UBR1: variants seen among roughly 807,000 people sequenced by gnomAD.
The protein encoded by UBR1 is ubiquitin protein ligase E3 component n-recognin 1.
Under a neutral mutation model 242.1 loss-of-function variants are expected in UBR1, and 102 were observed. The observed-to-expected ratio is 0.42, with a 90% CI of 0.36 to 0.50. The LOEUF is 0.50. Ranked by LOEUF, UBR1 falls within the 20% of genes least tolerant of loss-of-function variation. The probability of loss-of-function intolerance (pLI) is 0.01; values close to 1 mark genes in which losing one functional copy is unlikely to be tolerated. For synonymous variants in UBR1, 675 were observed against 684.8 expected (o/e 0.99, Z 0.22); for missense variants, 1,772 against 2,101.8 (o/e 0.84, Z 3.07).
chr15:43,024,740 G>A, intron 25 of UBR1, 89 bp downstream of exon 25: 1 of 1,565,756 alleles, frequency 6.4e-7, no homozygotes, highest in Non-Finnish European at 8.8e-7. Context: ...CTCTAGATGT[G>A]GTTCCAACTG....
intron 29 of UBR1, among the ~76,000 whole-genome samples, chr15:43,011,120 A>C (rs1366696710): frequency 1.3e-5 from 2 of 152,112 alleles, no homozygotes; most frequent in Non-Finnish European, 2.9e-5. Flanking sequence ...GTAGTGTGTC[A>C]TAATTATGCC....
At position 42,943,887 on chromosome 15, in the gene UBR1, G is replaced by A. The variant is rs770096853; in HGVS notation, c.*1442C>T. 8 of 152,428 alleles carry A rather than the reference G, an allele frequency of 5.2e-5. No individual in the cohort carries two copies. The highest frequency in any genetic ancestry group is 1.0e-4 in the Non-Finnish European group (7 of 68,042). 9.4% of individuals were successfully genotyped at this position (152,428 alleles called of 1,614,324 possible). A position where few individuals can be genotyped will look rare whatever the true frequency, so the allele number is the denominator to read the frequency against. On this transcript the variant is annotated 3_prime_UTR_variant, in exon 47 of 47. Transcript: ENST00000290650. ...AGTAGAAAATCATGATTGTGATTCT[G>A]ACGCCTGCTCATGCCAATCCCTTAC...
chr15:42,966,067 T>G, intron 41 of UBR1, 86 bp downstream of exon 41: 1 of 1,591,084 alleles, frequency 6.3e-7, no homozygotes, highest in Non-Finnish European at 8.6e-7. Flanking sequence ...TGGTTTTATC[T>G]GCTTTAACCT....
At chr15:43,055,410 C>T (rs559182259) in intron 11 of UBR1, among the ~76,000 whole-genome samples, 1 of 151,542 alleles carries the variant, frequency 6.6e-6, no homozygotes, top group African/African-American at 2.4e-5. Context: ...GCTACTACAC[C>T]CCAGCCTGAG....
At chr15:43,002,337 C>G (rs944284685) in intron 32 of UBR1, among the ~76,000 whole-genome samples, 2 of 152,018 alleles carry the variant, frequency 1.3e-5, no homozygotes, top group Non-Finnish European at 2.9e-5. Flanking sequence ...CCTCAGCCCC[C>G]TCAAGTAACT....
chr15:43,013,565 GAAAT>G (rs2032957919), intron 29 of UBR1, among the ~76,000 whole-genome samples: 1 of 152,160 alleles, frequency 6.6e-6, no homozygotes, highest in African/African-American at 2.4e-5. Context: ...ATTTTTATTA[GAAAT>G]AATAATGTGA....
chr15:43,102,668 C>A (rs1178371758), intron 1 of UBR1, among the ~76,000 whole-genome samples: 1 of 152,148 alleles, frequency 6.6e-6, no homozygotes, highest in African/African-American at 2.4e-5. Context: ...TTATCATGGA[C>A]CCAATAAACC....
At chr15:43,046,093 G>A (rs1044968640) in intron 14 of UBR1, among the ~76,000 whole-genome samples, 7 of 152,166 alleles carry the variant, frequency 4.6e-5, no homozygotes, top group African/African-American at 1.7e-4. Context: ...TATAAGTGAA[G>A]ATACTAAATG....
intron 21 of UBR1, among the ~76,000 whole-genome samples, chr15:43,028,780 A>AATAT (rs150339606): frequency 6.8e-6 from 1 of 146,960 alleles, no homozygotes; most frequent in Non-Finnish European, 1.5e-5. Context: ...ACAACAAAAA[A>AATAT]ATATATATAT....
chr15:42,996,266 CAT>C (rs1413555323), intron 33 of UBR1, among the ~76,000 whole-genome samples: 1 of 152,114 alleles, frequency 6.6e-6, no homozygotes. Context: ...AACATGCACA[CAT>C]ATGAGGTCAA....
intron 46 of UBR1, among the ~76,000 whole-genome samples, chr15:42,946,406 G>A (rs931368815): frequency 1.3e-5 from 2 of 152,152 alleles, no homozygotes; most frequent in Non-Finnish European, 2.9e-5. Context: ...GATTACAGGC[G>A]TGAACCACCG....
At chr15:42,957,800 G>C (rs953081668) in intron 44 of UBR1, among the ~76,000 whole-genome samples, 3 of 152,120 alleles carry the variant, frequency 2.0e-5, no homozygotes, top group African/African-American at 7.2e-5. Context: ...CCAGGAGTTT[G>C]AGGCTGCAGT....
At chr15:43,083,833 G>A (rs192205808) in intron 2 of UBR1, among the ~76,000 whole-genome samples, 5 of 151,744 alleles carry the variant, frequency 3.3e-5, no homozygotes, top group South Asian at 4.2e-4. Flanking sequence ...ACCTGAGGTC[G>A]GGAGTTCCAG....
chr15:43,070,763 T>C (rs1363000689), intron 5 of UBR1, 32 bp downstream of exon 5: 1 of 1,610,912 alleles, frequency 6.2e-7, no homozygotes, highest in Non-Finnish European at 8.5e-7. Context: ...TAACCATCAC[T>C]AAAACTTGTT....
intron 46 of UBR1, among the ~76,000 whole-genome samples, chr15:42,947,762 C>T (rs2031762124): frequency 6.6e-6 from 1 of 152,148 alleles, no homozygotes; most frequent in Non-Finnish European, 1.5e-5. Flanking sequence ...GAACTACAAA[C>T]CACTGCTCAA....
chr15:43,032,605 T>G lies in UBR1; in HGVS notation c.2217A>C (p.Leu739=), dbSNP rs754533409. The G allele has an allele frequency of 3.3e-6, 5 of 1,536,714 alleles. No homozygotes were observed. The East Asian group carries it at 1.1e-4, about 35-fold the overall frequency. ...DQDLIKQYNT[L]IEEMLQVLIY... is the part of the protein sequence containing the mutation. ...TGAGGACCTGAAGCATTTCTTCTAT[T>G]AGTGTATTATATTGTTTAATCAAAT... The change falls in exon 20 of 47, where the codon CTA becomes CTC. Residue 739 remains leucine, a synonymous_variant. Transcript: ENST00000290650.
intron 6 of UBR1, 96 bp from the exon 7 acceptor site, chr15:43,060,210 C>A (rs1267789466): frequency 2.6e-6 from 3 of 1,170,210 alleles, no homozygotes; most frequent in Admixed American, 1.7e-5. Flanking sequence ...CTTAACTGAG[C>A]TCTAATCGCG....
At chr15:42,960,059 G>A (rs1182986121) in intron 43 of UBR1, among the ~76,000 whole-genome samples, 1 of 152,138 alleles carries the variant, frequency 6.6e-6, no homozygotes, top group Non-Finnish European at 1.5e-5. Flanking sequence ...GTTCTTATTC[G>A]TCAGTTATTC....
intron 37 of UBR1, among the ~76,000 whole-genome samples, chr15:42,979,209 CTTT>C (rs533735378): frequency 7.2e-6 from 1 of 138,486 alleles, no homozygotes; most frequent in Non-Finnish European, 1.6e-5. Flanking sequence ...TTCTTTTTTT[CTTT>C]TTTTTTTTTT....
Sources: allele counts gnomAD v4.1 joint callset (sites outside exome capture counted in the v4.1 genomes callset), GRCh38; gene constraint gnomAD v4.1.1; transcripts MANE v1.5; gene names NCBI Gene and HGNC (gene_info 2026-07-23, HGNC 2026-07-21).